Variants in STAG3 observed in about 807,000 individuals in gnomAD.
The protein encoded by STAG3 is STAG3 cohesin complex component.
Under a neutral mutation model 160.7 loss-of-function variants are expected in STAG3, and 101 were observed. That is an observed-to-expected ratio of 0.63 (90% CI 0.54 to 0.74). The LOEUF is 0.74. Among genes scored for constraint, STAG3 ranks in the 30% least tolerant of loss-of-function variants. The pLI, the probability that STAG3 is intolerant of heterozygous loss-of-function variation, is 0.00. For synonymous variants in STAG3, 519 were observed against 585.0 expected (o/e 0.89, Z 1.63); for missense variants, 1,188 against 1,517.4 (o/e 0.78, Z 3.61).
chr7:100,211,251 C>CTG, intron 30 of STAG3, 66 bp downstream of exon 30: 1 of 1,522,184 alleles, frequency 6.6e-7, no homozygotes, highest in Non-Finnish European at 8.8e-7. Context: ...CTCCATCTTG[C>CTG]TGTTTCTGTT....
chr7:100,185,043 A>T (rs890826413), intron 4 of STAG3, among the ~76,000 whole-genome samples: 1 of 151,724 alleles, frequency 6.6e-6, no homozygotes, highest in East Asian at 1.9e-4. Flanking sequence ...ACACTCCAGA[A>T]TCACTTTTTT....
At position 100,182,179 on chromosome 7, in the gene STAG3, C is replaced by T. The variant is rs767628834; in HGVS notation, c.206C>T (p.Pro69Leu). The T allele has an allele frequency of 5.6e-6, 9 of 1,611,612 alleles. No homozygotes were observed. The highest frequency in any genetic ancestry group is 2.2e-5 in the East Asian group (1 of 44,846). ...NVKKRAAKRP[P>L]KTTPVAKHPK... ...AAGAAGAGAGCAGCAAAACGACCAC[C>T]GAAAACAACACCGGTGAGTCAGCCA... The change falls in exon 3 of 34, where the codon CCG becomes CTG. Residue 69 changes from proline (P) to leucine (L), a missense_variant. Pro to Leu is a moderately conservative substitution (Grantham distance 98). This residue lies in a region of STAG3 where 296 missense variants were observed against 404.0 expected (regional missense o/e 0.73). Transcript: ENST00000615138.
chr7:100,209,056 C>T (rs1221084014), intron 29 of STAG3, among the ~76,000 whole-genome samples: 1 of 152,074 alleles, frequency 6.6e-6, no homozygotes, highest in Non-Finnish European at 1.5e-5. Context: ...CAAGGTGTCT[C>T]TGGGAGCAAG....
At chr7:100,212,155 A>C (rs1308816431) in intron 32 of STAG3, 1 of 315,820 alleles carries the variant, frequency 3.2e-6, no homozygotes, top group African/African-American at 2.1e-5. Flanking sequence ...ACCCCCTAGG[A>C]ATTGGAAGGA....
chr7:100,180,880 G>GTTT (rs35965210), intron 2 of STAG3: 622 of 221,444 alleles, frequency 2.8e-3, no homozygotes, highest in South Asian at 5.9e-3. Flanking sequence ...AGTACATCCT[G>GTTT]TTTTTTTTTT....
chr7:100,203,253 C>G (rs950364847), intron 25 of STAG3, among the ~76,000 whole-genome samples: 1 of 151,168 alleles, frequency 6.6e-6, no homozygotes, highest in Non-Finnish European at 1.5e-5. Flanking sequence ...GGCACTATCT[C>G]GGCTCACTGC....
At chr7:100,178,620 G>T (rs1329283035) in intron 1 of STAG3, among the ~76,000 whole-genome samples, 1 of 146,180 alleles carries the variant, frequency 6.8e-6, no homozygotes, top group African/African-American at 2.5e-5. Flanking sequence ...GAGACAGGGC[G>T]TTGCTATGTG....
intron 25 of STAG3, among the ~76,000 whole-genome samples, chr7:100,203,164 A>G (rs1303797314): frequency 3.3e-5 from 5 of 149,740 alleles, no homozygotes; most frequent in Admixed American, 2.7e-4. Flanking sequence ...GGCTTGGGGC[A>G]GTGTTTATTT....
chr7:100,186,373 G>C, intron 5 of STAG3, 77 bp downstream of exon 5: 1 of 1,343,372 alleles, frequency 7.4e-7, no homozygotes, highest in Non-Finnish European at 1.1e-6. Flanking sequence ...ATTTAGATAA[G>C]TAGGATTAGA....
At chr7:100,208,869 G>A (rs1460709300) in intron 29 of STAG3, among the ~76,000 whole-genome samples, 1 of 152,118 alleles carries the variant, frequency 6.6e-6, no homozygotes, top group Non-Finnish European at 1.5e-5. Context: ...GACTGATCAA[G>A]GGAAGACTCA....
intron 21 of STAG3, 29 bp from the exon 22 acceptor site, chr7:100,201,757 C>T: frequency 6.2e-7 from 1 of 1,609,302 alleles, no homozygotes; most frequent in Non-Finnish European, 8.5e-7. Flanking sequence ...TAACCCAAAC[C>T]TCATTTTTCA....
At chr7:100,206,992 C>T (rs1341463457) in intron 29 of STAG3, among the ~76,000 whole-genome samples, 1 of 152,126 alleles carries the variant, frequency 6.6e-6, no homozygotes, top group Non-Finnish European at 1.5e-5. Flanking sequence ...TAATATGTGG[C>T]CTTTTATGTC....
intron 12 of STAG3, 134 bp from the exon 13 acceptor site, chr7:100,198,341 T>A: frequency 1.7e-6 from 2 of 1,147,574 alleles, no homozygotes; most frequent in Admixed American, 3.4e-5. Flanking sequence ...CATACTCCTT[T>A]GTCTTCCGCT....
intron 3 of STAG3, 134 bp downstream of exon 3, chr7:100,182,326 T>C (rs1441745276): frequency 6.4e-6 from 4 of 625,288 alleles, no homozygotes. Context: ...GCCCCTGCAC[T>C]CTAGCCTGGG....
intron 13 of STAG3, 124 bp downstream of exon 13, chr7:100,198,706 C>A (rs1158441685): frequency 1.6e-6 from 2 of 1,233,858 alleles, no homozygotes; most frequent in Non-Finnish European, 2.4e-6. Context: ...CCTTTCTTCT[C>A]GCAGCTCCTT....
chr7:100,211,951 C>T (rs1466212576), intron 32 of STAG3, 75 bp downstream of exon 32: 20 of 1,368,276 alleles, frequency 1.5e-5, no homozygotes, highest in Non-Finnish European at 1.9e-5. Flanking sequence ...GGTGTTTCCC[C>T]TCTCTCCGCT....
intron 1 of STAG3, among the ~76,000 whole-genome samples, chr7:100,180,232 AT>A (rs962063448): frequency 3.1e-4 from 46 of 147,514 alleles, no homozygotes; most frequent in African/African-American, 9.5e-4. Context: ...GATTATTATT[AT>A]TTTTTTTTTA....
downstream of STAG3, chr7:100,219,107 TG>T (rs1443235037): frequency 2.0e-5 from 3 of 152,652 alleles, no homozygotes; most frequent in African/African-American, 7.2e-5. Flanking sequence ...GTGAAGGGAT[TG>T]GGTGGCATAG....
chr7:100,201,620 G>T lies in STAG3; in HGVS notation c.2221-166G>T. On this transcript the variant is annotated intron_variant, in intron 21 of 33. Transcript: ENST00000615138. ...TAGGGAGCGGTGACATTTCTACTTCGTGTAGATGCCTCTGAAGAATGTCCA... is the reference window on the plus strand; with the variant it reads ...TAGGGAGCGGTGACATTTCTACTTCTTGTAGATGCCTCTGAAGAATGTCCA... 4 of 666,654 alleles carry T rather than the reference G, an allele frequency of 6.0e-6. No homozygotes were observed. The East Asian group carries it at 8.0e-5, about 13-fold the overall frequency. The allele number at this position is 666,654 out of a possible 1,614,324, so 41.3% of individuals were successfully genotyped here.
Sources: allele counts gnomAD v4.1 joint callset (sites outside exome capture counted in the v4.1 genomes callset), GRCh38; gene constraint gnomAD v4.1.1; regional missense constraint gnomAD v4.1.1; transcripts MANE v1.5; gene names NCBI Gene and HGNC (gene_info 2026-07-23, HGNC 2026-07-21).